Variants in SLC38A1 observed in about 807,000 individuals in gnomAD.
The protein encoded by SLC38A1 is solute carrier family 38 member 1.
Under a neutral mutation model 60.3 loss-of-function variants are expected in SLC38A1, and 18 were observed. The ratio of observed to expected loss-of-function variants is 0.30; its 90% CI spans 0.21 to 0.44. SLC38A1 has a LOEUF of 0.44. Among genes scored for constraint, SLC38A1 ranks in the 20% least tolerant of loss-of-function variants. The pLI, the probability that SLC38A1 is intolerant of heterozygous loss-of-function variation, is 1.00. For missense variants in SLC38A1, 448 were observed against 587.2 expected, an observed-to-expected ratio of 0.76 and a Z score of 2.45; for synonymous variants, 196 against 212.1, an observed-to-expected ratio of 0.92 and a Z score of 0.66.
intron 2 of SLC38A1, among the ~76,000 whole-genome samples, chr12:46,242,375 G>C (rs1335945979): frequency 6.6e-6 from 1 of 152,034 alleles, no homozygotes; most frequent in Non-Finnish European, 1.5e-5. Context: ...AGTGATGAAG[G>C]GATTGAAAAA....
At chr12:46,200,400 TACACATATATATAGAC>T (rs1939602927) in intron 13 of SLC38A1, among the ~76,000 whole-genome samples, 1 of 151,688 alleles carries the variant, frequency 6.6e-6, no homozygotes. Flanking sequence ...CACATATATA[TACACATATATATAGAC>T]ACACATATAT....
At chr12:46,195,917 T>C in intron 16 of SLC38A1, 5 of 406,844 alleles carry the variant, frequency 1.2e-5, no homozygotes, top group South Asian at 6.9e-5. Context: ...CTGGGTGAGG[T>C]GACGCCCCAC....
rs1188850401 is a variant in SLC38A1, at chr12:46,248,433, CAAAG to C, written c.-208-5123_-208-5120del. On this transcript the variant is annotated intron_variant, in intron 1 of 16. Transcript: ENST00000398637. ...TTAAATGAACAAAGATCAAAAGAGACAAAGAAGGCCATAATGGTAAAGGGATCAA... is the reference window on the plus strand; with the variant it reads ...TTAAATGAACAAAGATCAAAAGAGACAAGGCCATAATGGTAAAGGGATCAA... Among the ~76,000 whole-genome samples, 4 of 152,186 alleles carry C rather than the reference CAAAG, an allele frequency of 2.6e-5. No homozygotes were observed. The South Asian group carries it at 6.2e-4, about 24-fold the overall frequency.
chr12:46,202,914 C>T (rs1192220466), intron 12 of SLC38A1, 96 bp downstream of exon 12: 27 of 806,070 alleles, frequency 3.3e-5, no homozygotes, highest in Non-Finnish European at 4.9e-5. Flanking sequence ...AATCCGCTGA[C>T]GTTCATTAGA....
intron 5 of SLC38A1, among the ~76,000 whole-genome samples, chr12:46,209,548 T>C (rs79549894): frequency 0.017 from 2,595 of 152,250 alleles, 75 homozygotes; most frequent in African/African-American, 0.059. Flanking sequence ...TTTGGGCAAC[T>C]TGCTTAACAT....
At position 46,249,168 on chromosome 12, in the gene SLC38A1, A is replaced by AAAAAAAAAAAAAAAAAG. The variant is rs555103632; in HGVS notation, c.-208-5855_-208-5854insCTTTTTTTTTTTTTTTT. Among the ~76,000 whole-genome samples, 735 of 126,214 alleles carry AAAAAAAAAAAAAAAAAG rather than the reference A, an allele frequency of 5.8e-3. 4 individuals are homozygous for AAAAAAAAAAAAAAAAAG. The highest frequency in any genetic ancestry group is 7.6e-3 in the Non-Finnish European group (463 of 60,988). The allele number at this position is 126,214 out of a possible 152,430, so 82.8% of individuals were successfully genotyped here. A position where few individuals can be genotyped will look rare whatever the true frequency, so the allele number is the denominator to read the frequency against. ...GAGACTCCGCCTCAAAAAAAAAAAA[A>AAAAAAAAAAAAAAAAAG]AAAAAAAGAAACTCACTCAAAACCG... On this transcript the variant is annotated intron_variant, in intron 1 of 16. Transcript: ENST00000398637.
intron 3 of SLC38A1, among the ~76,000 whole-genome samples, chr12:46,233,291 T>A (rs1218088356): frequency 1.3e-5 from 2 of 152,140 alleles, no homozygotes; most frequent in Admixed American, 1.3e-4. Flanking sequence ...CCCAAAGTAC[T>A]GGGATTACAG....
At chr12:46,230,252 A>G (rs924139470) in intron 3 of SLC38A1, among the ~76,000 whole-genome samples, 2 of 152,186 alleles carry the variant, frequency 1.3e-5, no homozygotes, top group African/African-American at 4.8e-5. Context: ...AAGTCACTGG[A>G]ACAGGCACTG....
At chr12:46,226,764 C>T (rs576421756) in intron 5 of SLC38A1, among the ~76,000 whole-genome samples, 5 of 151,732 alleles carry the variant, frequency 3.3e-5, no homozygotes, top group African/African-American at 4.8e-5. Flanking sequence ...TACAGGTGCC[C>T]GCCCCTACAC....
intron 12 of SLC38A1, 131 bp from the exon 13 acceptor site, chr12:46,201,329 C>G: frequency 1.4e-6 from 1 of 713,614 alleles, no homozygotes; most frequent in Non-Finnish European, 2.4e-6. Flanking sequence ...GAAATTACCC[C>G]TGGCAGTTAT....
chr12:46,217,440 C>T (rs541568573), intron 5 of SLC38A1, among the ~76,000 whole-genome samples: 43 of 152,256 alleles, frequency 2.8e-4, no homozygotes, highest in African/African-American at 8.2e-4. Context: ...AGAGACTTTG[C>T]GTGTTTTCTT....
chr12:46,237,775 TTGGATTGCTTTGATAA>T (rs997622538), intron 3 of SLC38A1, among the ~76,000 whole-genome samples: 6 of 151,840 alleles, frequency 4.0e-5, no homozygotes, highest in African/African-American at 4.9e-5. Context: ...CCCTTGAGGT[TTGGATTGCTTTGATAA>T]TGGATTGCTT....
rs1381986304 is a variant in SLC38A1, at chr12:46,183,838, T to C, written c.*5132A>G. The C allele has an allele frequency of 2.6e-5, 4 of 152,330 alleles. No individual in the cohort carries two copies. The highest frequency in any genetic ancestry group is 4.8e-5 in the African/African-American group (2 of 41,464). The allele number at this position is 152,330 out of a possible 1,614,324, so 9.4% of individuals were successfully genotyped here. A position where few individuals can be genotyped will look rare whatever the true frequency, so the allele number is the denominator to read the frequency against. ...TAGGGTTTCAGGTTCCAAGTTTACATTGAGAGAACTATGTTACCTGGGAGA... is the reference window on the plus strand; with the variant it reads ...TAGGGTTTCAGGTTCCAAGTTTACACTGAGAGAACTATGTTACCTGGGAGA... On this transcript the variant is annotated 3_prime_UTR_variant, in exon 17 of 17. Coordinates refer to ENST00000398637, the MANE Select transcript of SLC38A1 (RefSeq NM_030674.4).
In SLC38A1 at chr12:46,250,142, A is replaced by G. The variant is rs193072226; in HGVS notation, c.-208-6828T>C. Among the ~76,000 whole-genome samples, 3 of 152,318 alleles carry G rather than the reference A, an allele frequency of 2.0e-5. No homozygotes were observed. The East Asian group carries it at 5.8e-4, about 29-fold the overall frequency. ...CACATCAAAAGCCTTATCCACCACA[A>G]TCAAATTGACTTCATCTCTGGGATG... On this transcript the variant is annotated intron_variant, in intron 1 of 16. Coordinates refer to ENST00000398637, the MANE Select transcript of SLC38A1 (RefSeq NM_030674.4).
intron 1 of SLC38A1, among the ~76,000 whole-genome samples, chr12:46,256,613 G>GCGCACACACACACACA (rs1555192371): frequency 1.9e-5 from 2 of 107,460 alleles, no homozygotes; most frequent in African/African-American, 6.9e-5. Context: ...GCGCGCGCGC[G>GCGCACACACACACACA]CACACACACA....
At chr12:46,202,948 T>C (rs1420689950) in intron 12 of SLC38A1, 62 bp downstream of exon 12, 16 of 1,252,348 alleles carry the variant, frequency 1.3e-5, no homozygotes, top group Non-Finnish European at 1.7e-5. Context: ...TTTAATTGCA[T>C]ACTTGCCTAT....
intron 8 of SLC38A1, 29 bp from the exon 9 acceptor site, chr12:46,206,191 A>AC: frequency 6.9e-7 from 1 of 1,440,752 alleles, no homozygotes; most frequent in Non-Finnish European, 9.6e-7. Context: ...ATTAGGTTAT[A>AC]TTTTTTTAGA....
intron 5 of SLC38A1, among the ~76,000 whole-genome samples, chr12:46,222,844 T>C (rs1382097019): frequency 6.6e-6 from 1 of 152,182 alleles, no homozygotes; most frequent in Non-Finnish European, 1.5e-5. Flanking sequence ...ACTTTAAGCA[T>C]ACATTTTACT....
intron 6 of SLC38A1, among the ~76,000 whole-genome samples, chr12:46,208,669 A>G (rs1940016011): frequency 6.6e-6 from 1 of 152,198 alleles, no homozygotes; most frequent in Non-Finnish European, 1.5e-5. Context: ...TGGAATATGC[A>G]CAAGAGAATG....
Sources: allele counts gnomAD v4.1 joint callset (sites outside exome capture counted in the v4.1 genomes callset), GRCh38; gene constraint gnomAD v4.1.1; transcripts MANE v1.5; gene names NCBI Gene and HGNC (gene_info 2026-07-23, HGNC 2026-07-21).